The following DMD variants were observed in gnomAD, a reference collection of about 807,000 sequenced individuals.
DMD encodes the protein dystrophin, also known as mutant dystrophin.
A neutral mutation model predicts 330.1 loss-of-function variants in DMD; 63 were observed. The observed-to-expected ratio is 0.19, with a 90% confidence interval of 0.16 to 0.24. The LOEUF (loss-of-function observed/expected upper bound fraction) is 0.24. DMD is among the 10% of genes least tolerant of loss of function. DMD has a pLI of 1.00. For missense variants in DMD, 3,344 were observed against 2,684.1 expected (o/e 1.25, Z -5.43); for synonymous variants, 1,223 against 959.8 (o/e 1.27, Z -5.07).
chrX:31,598,795 T>C (rs922133821), intron 55 of DMD, among the ~76,000 whole-genome samples: 1 of 111,774 alleles, frequency 8.9e-6, no homozygotes. Context: ...ACTCTTACCA[T>C]TGGGGGAAAA....
intron 1 of DMD, among the ~76,000 whole-genome samples, chrX:33,141,902 C>A (rs2148588910): frequency 8.9e-6 from 1 of 111,913 alleles, no homozygotes; most frequent in South Asian, 3.7e-4. Flanking sequence ...CATGAAAACA[C>A]AATTCTTAAT....
chrX:31,869,952 T>G (rs2149655459), intron 48 of DMD, among the ~76,000 whole-genome samples: 1 of 111,455 alleles, frequency 9.0e-6, no homozygotes, highest in Admixed American at 9.6e-5. Flanking sequence ...CTTCAACCAT[T>G]AATCTTCGTC....
chrX:32,587,083 A>T (rs1366379440), intron 13 of DMD, among the ~76,000 whole-genome samples: 3 of 111,534 alleles, frequency 2.7e-5, no homozygotes, highest in Non-Finnish European at 5.7e-5. Flanking sequence ...ATAGGGTCTA[A>T]CATTCTATAA....
chrX:31,185,500 A>T (rs964118360), intron 67 of DMD, among the ~76,000 whole-genome samples: 1 of 111,985 alleles, frequency 8.9e-6, no homozygotes, highest in African/African-American at 3.3e-5. Flanking sequence ...ATACAGTTTT[A>T]AATTTTGATT....
intron 44 of DMD, among the ~76,000 whole-genome samples, chrX:32,142,108 G>A (rs955695712): frequency 9.0e-6 from 1 of 110,914 alleles, no homozygotes; most frequent in African/African-American, 3.3e-5. Context: ...TAATGTTAGA[G>A]GATGGTGCAA....
intron 51 of DMD, among the ~76,000 whole-genome samples, chrX:31,761,677 T>C (rs904441863): frequency 6.2e-5 from 7 of 112,282 alleles, no homozygotes; most frequent in African/African-American, 2.3e-4. Context: ...TAAGCTATTA[T>C]GAAAGTTACT....
At chrX:32,639,050 A>G (rs1360645325) in intron 11 of DMD, among the ~76,000 whole-genome samples, 2 of 111,623 alleles carry the variant, frequency 1.8e-5, no homozygotes, top group African/African-American at 6.5e-5. Flanking sequence ...CAAAAAACAC[A>G]ACTTCACTTG....
chrX:32,566,633 T>C (rs2051747196), intron 15 of DMD, among the ~76,000 whole-genome samples: 1 of 112,382 alleles, frequency 8.9e-6, no homozygotes, highest in Admixed American at 9.4e-5. Context: ...TGAAGCAATT[T>C]TTATACCATT....
chrX:32,311,597 TATCTGGGCCAA>T (rs1398099995), intron 41 of DMD, among the ~76,000 whole-genome samples: 5 of 111,689 alleles, frequency 4.5e-5, no homozygotes, highest in Admixed American at 9.6e-5. Context: ...TTATTGTGTA[TATCTGGGCCAA>T]ATCCATGGCA....
chrX:32,749,673 A>G (rs114500663), intron 7 of DMD, among the ~76,000 whole-genome samples: 1,997 of 112,588 alleles, frequency 0.018, 48 homozygotes, highest in African/African-American at 0.061. Flanking sequence ...ATCCTGGCTA[A>G]AGCCAAGATT....
intron 67 of DMD, among the ~76,000 whole-genome samples, chrX:31,199,798 C>T (rs1012254109): frequency 2.7e-5 from 3 of 112,040 alleles, no homozygotes; most frequent in African/African-American, 9.7e-5. Context: ...ACTTTATTAC[C>T]GTTTACCTCA....
chrX:32,446,435 A>G (rs2098305183), intron 27 of DMD, among the ~76,000 whole-genome samples: 1 of 110,398 alleles, frequency 9.1e-6, no homozygotes, highest in Non-Finnish European at 1.9e-5. Flanking sequence ...TCCTTACATA[A>G]TTTCCTGCTC....
intron 44 of DMD, chrX:32,035,694 G>A: frequency 1.3e-5 from 2 of 154,334 alleles, no homozygotes; most frequent in Non-Finnish European, 1.3e-5. Context: ...TTGGACAGTG[G>A]GATAATAAGG....
chrX:31,877,666 CTT>C (rs1491251795), intron 47 of DMD, among the ~76,000 whole-genome samples: 2 of 37,577 alleles, frequency 5.3e-5, no homozygotes, highest in African/African-American at 2.1e-4. Flanking sequence ...GTGCTGAACT[CTT>C]GTGTGTGTGT....
chrX:31,923,201 T>C (rs1385409993), intron 47 of DMD, among the ~76,000 whole-genome samples: 1 of 111,847 alleles, frequency 8.9e-6, no homozygotes, highest in Non-Finnish European at 1.9e-5. Flanking sequence ...CTCATGTCAG[T>C]GTGAAATTAT....
At chrX:33,160,903 C>T (rs2048739117) in intron 1 of DMD, among the ~76,000 whole-genome samples, 1 of 111,194 alleles carries the variant, frequency 9.0e-6, no homozygotes, top group East Asian at 2.8e-4. Flanking sequence ...ATTTTTAAAC[C>T]TTTAATCTTA....
intron 7 of DMD, among the ~76,000 whole-genome samples, chrX:32,744,193 A>AT (rs766359838): frequency 0.031 from 3,135 of 102,262 alleles, 47 homozygotes; most frequent in African/African-American, 0.046. Flanking sequence ...CATTCTTACA[A>AT]TTTTTTTTTT....
chrX:32,918,121 A>AAGCACC (rs1233378131), intron 2 of DMD, among the ~76,000 whole-genome samples: 14 of 111,430 alleles, frequency 1.3e-4, no homozygotes, highest in Non-Finnish European at 1.7e-4. Flanking sequence ...AAAGGTGCTT[A>AAGCACC]TTTAGATTTC....
At chrX:32,322,897 C>A (rs1404202889) in intron 41 of DMD, among the ~76,000 whole-genome samples, 1 of 111,894 alleles carries the variant, frequency 8.9e-6, no homozygotes, top group Non-Finnish European at 1.9e-5. Flanking sequence ...GACTGCAAAG[C>A]AAAGATCATT....
Sources: gnomAD v4.1 joint callset for allele counts (sites outside exome capture counted in the v4.1 genomes callset) on GRCh38, gnomAD v4.1.1 for gene constraint, MANE v1.5 for transcripts, NCBI Gene and HGNC (gene_info 2026-07-23, HGNC 2026-07-21) for gene names.